SYNE1: variants seen among roughly 807,000 people sequenced by gnomAD.
The protein encoded by SYNE1 is nesprin-1.
SYNE1 carries 616 observed loss-of-function variants against 1,111.0 expected under a neutral mutation model. That is an observed-to-expected ratio of 0.55 (90% CI 0.52 to 0.59). The LOEUF is 0.59. SYNE1 is among the 20% of genes least tolerant of loss of function. SYNE1 has a pLI of 0.00. For missense variants in SYNE1, 10,006 were observed against 10,417.0 expected (o/e 0.96, Z 1.72); for synonymous variants, 3,855 against 3,825.8 (o/e 1.01, Z -0.28).
At chr6:152,431,355 T>A (rs926642742) in intron 34 of SYNE1, among the ~76,000 whole-genome samples, 3 of 152,190 alleles carry the variant, frequency 2.0e-5, no homozygotes, top group Non-Finnish European at 4.4e-5. Flanking sequence ...ATGCTGAGGC[T>A]GCTGATCCAG....
chr6:152,182,378 C>T (rs1470981873), intron 128 of SYNE1, among the ~76,000 whole-genome samples: 1 of 152,158 alleles, frequency 6.6e-6, no homozygotes, highest in Non-Finnish European at 1.5e-5. Flanking sequence ...ACTATTCATT[C>T]CACTGCATTA....
intron 100 of SYNE1, among the ~76,000 whole-genome samples, chr6:152,266,936 T>C (rs967733358): frequency 4.6e-5 from 7 of 150,888 alleles, no homozygotes; most frequent in Non-Finnish European, 8.9e-5. Flanking sequence ...CTCTAAAATG[T>C]TTTTTTTATT....
intron 100 of SYNE1, among the ~76,000 whole-genome samples, chr6:152,265,667 A>G (rs1180690532): frequency 2.0e-5 from 3 of 152,170 alleles, no homozygotes; most frequent in Non-Finnish European, 1.5e-5. Flanking sequence ...CCAGTAGCAA[A>G]CCTTTTAAAA....
intron 14 of SYNE1, among the ~76,000 whole-genome samples, chr6:152,478,782 G>A (rs1170051865): frequency 1.3e-5 from 2 of 152,088 alleles, no homozygotes; most frequent in Non-Finnish European, 2.9e-5. Flanking sequence ...CACCATTAAG[G>A]GCCCACTTGG....
At chr6:152,269,821 C>G (rs2093053358) in intron 98 of SYNE1, among the ~76,000 whole-genome samples, 1 of 152,054 alleles carries the variant, frequency 6.6e-6, no homozygotes, top group Admixed American at 6.5e-5. Context: ...CTTTGAGAAG[C>G]AAAAAGTTCA....
chr6:152,427,118 TTTTC>T (rs1476646507), intron 38 of SYNE1, among the ~76,000 whole-genome samples: 2 of 152,216 alleles, frequency 1.3e-5, no homozygotes, highest in African/African-American at 2.4e-5. Context: ...TACTCAACGA[TTTTC>T]TTTCTTTAAG....
chr6:152,206,356 C>T lies in SYNE1; in HGVS notation c.22831G>A (p.Glu7611Lys). 1 of 1,613,754 alleles carries T rather than the reference C, an allele frequency of 6.2e-7. No homozygotes were observed. The highest frequency in any genetic ancestry group is 8.5e-7 in the Non-Finnish European group (1 of 1,179,916). ...RTLFDEVQFK[E>K]KVFLRQQGSY... ...CCTTGTTGCCGCAGAAACACTTTTT[C>T]TTTGAACTGAAAGGAACCATAGCTT... is the stretch of plus-strand genomic sequence containing the variant. Residue 7611 changes from glutamate (E) to lysine (K), a missense_variant, in exon 126 of 146, where the codon GAA (glutamate) becomes AAA (lysine). Around this residue, in one of 7 missense-constraint regions of SYNE1, gnomAD observed 2,182 missense variants for 2,287.8 expected, o/e 0.95. Transcript: ENST00000367255.
intron 4 of SYNE1, among the ~76,000 whole-genome samples, chr6:152,536,029 G>T (rs1476982886): frequency 6.6e-6 from 1 of 151,886 alleles, no homozygotes; most frequent in East Asian, 1.9e-4. Flanking sequence ...TCATCTCTCT[G>T]CTTATCCCAA....
In SYNE1 at chr6:152,326,030, C is replaced by G; in HGVS notation, c.15366G>C (p.Lys5122Asn). Residue 5122 changes from lysine to asparagine, a missense_variant, in exon 80 of 146, where the codon AAG becomes AAC. By Grantham distance (94) the Lys-to-Asn change is moderately conservative. Coordinates refer to ENST00000367255, the MANE Select transcript of SYNE1 (RefSeq NM_182961.4). ...TCAACAAAGAAAACTCAGACAATTT[C>G]TTTTCTGTATCATTCATCAATTCAA... ...EVIELMNDTE[K>N]KLSEFSLLKT... 6.2e-7 allele frequency: 1 copy of G among 1,614,194 alleles called. No individual in the cohort carries two copies. The highest frequency in any genetic ancestry group is 2.2e-5 in the East Asian group (1 of 44,882).
intron 102 of SYNE1, 89 bp from the exon 103 acceptor site, chr6:152,255,835 C>T (rs2090675143): frequency 2.8e-6 from 4 of 1,434,618 alleles, no homozygotes; most frequent in Non-Finnish European, 3.9e-6. Context: ...GCAGTGCTCA[C>T]ACCTGTAATC....
intron 38 of SYNE1, among the ~76,000 whole-genome samples, chr6:152,426,410 G>C (rs566254005): frequency 6.6e-6 from 1 of 152,228 alleles, no homozygotes; most frequent in Non-Finnish European, 1.5e-5. Context: ...AAGAAACAGC[G>C]CAGGGTGCAG....
intron 6 of SYNE1, among the ~76,000 whole-genome samples, chr6:152,518,982 TG>T (rs2099126015): frequency 6.8e-6 from 1 of 146,600 alleles, no homozygotes; most frequent in African/African-American, 2.5e-5. Context: ...CACCCGGGAC[TG>T]TTGTAGGGTG....
chr6:152,455,104 A>G (rs1317552265), intron 24 of SYNE1, among the ~76,000 whole-genome samples: 1 of 152,174 alleles, frequency 6.6e-6, no homozygotes, highest in African/African-American at 2.4e-5. Flanking sequence ...AGTCACCTCG[A>G]GTTATCTGTT....
At chr6:152,472,652 G>T in intron 14 of SYNE1, 1 of 702,466 alleles carries the variant, frequency 1.4e-6, no homozygotes. Context: ...AAACACACAT[G>T]ACACTTGCAC....
intron 3 of SYNE1, among the ~76,000 whole-genome samples, chr6:152,595,330 G>A (rs2099577895): frequency 6.6e-6 from 1 of 152,182 alleles, no homozygotes; most frequent in Admixed American, 6.5e-5. Flanking sequence ...AGGCACAACT[G>A]CTTGATTTCA....
intron 107 of SYNE1, among the ~76,000 whole-genome samples, chr6:152,241,983 T>C (rs1252620574): frequency 6.6e-6 from 1 of 152,234 alleles, no homozygotes. Flanking sequence ...AGTGAGGAAC[T>C]GATAGGTAAA....
At position 152,329,726 on chromosome 6, in the gene SYNE1, C is replaced by G. The variant is rs535755402; in HGVS notation, c.14955+4G>C. 174 of 1,613,996 alleles carry G rather than the reference C, an allele frequency of 1.1e-4. No individual in the cohort carries two copies. In the South Asian group the frequency reaches 1.8e-3, roughly 17 times the overall value. ...AAAGAGAAGTGAAGTCCTATTATAC[C>G]CACCTGTCTGGTGCGTAAGGCTTCC... On this transcript the variant is annotated splice_donor_region_variant and intron_variant, in intron 78 of 145. Transcript: ENST00000367255.
rs763082385 is a variant in SYNE1 at position 152,294,130 on chromosome 6, GT to G, written c.17683-4del. 25 of 1,613,190 alleles carry G rather than the reference GT, an allele frequency of 1.5e-5. No homozygotes were observed. In the South Asian group the frequency reaches 2.7e-4, roughly 18 times the overall value. ...AAGGCTTGGTAATATGCAATGTCCT[GT>G]GAGTGCAAAGCACAGTATTGAATTA... On this transcript the variant is annotated splice_region_variant and splice_polypyrimidine_tract_variant and intron_variant, in intron 93 of 145. Coordinates refer to ENST00000367255, the MANE Select transcript of SYNE1 (RefSeq NM_182961.4).
Position 152,249,174 on chromosome 6 carries a change from G to T in SYNE1, c.19559C>A (p.Ala6520Glu). 6.2e-7 allele frequency: 1 copy of T among 1,612,132 alleles called. No homozygotes were observed. Among genetic ancestry groups the T allele is most frequent in the Non-Finnish European group, 8.5e-7 (1 of 1,178,296 alleles). ...AGCTATAAATACCTCTATTTGTTCT[G>T]CTACGGGCTGTTCAAACACATTTGC... ...KLANVFEQPV[A>E]EQIEAIQQAE... Residue 6520 changes from alanine (A) to glutamate (E), a missense_variant, in exon 105 of 146, where the codon GCA (alanine) becomes GAA (glutamate). Ala to Glu is a moderately radical substitution (Grantham distance 107). Transcript: ENST00000367255.
Sources: allele counts gnomAD v4.1 joint callset (sites outside exome capture counted in the v4.1 genomes callset), GRCh38; gene constraint gnomAD v4.1.1; regional missense constraint gnomAD v4.1.1; transcripts MANE v1.5; gene names NCBI Gene and HGNC (gene_info 2026-07-23, HGNC 2026-07-21).